Variants in FOXP1 observed in about 807,000 individuals in gnomAD.
The protein encoded by FOXP1 is forkhead box P1, also known as forkhead box protein P1.
FOXP1 carries 15 observed loss-of-function variants against 98.2 expected under a neutral mutation model. The ratio of observed to expected loss-of-function variants is 0.15; its 90% CI spans 0.10 to 0.24. FOXP1 has a LOEUF of 0.24. Among genes scored for constraint, FOXP1 ranks in the 10% least tolerant of loss-of-function variants. The pLI is 1.00. For missense variants in FOXP1, 633 were observed against 848.5 expected (o/e 0.75, Z 3.15); for synonymous variants, 371 against 314.5 (o/e 1.18, Z -1.90).
intron 5 of FOXP1, among the ~76,000 whole-genome samples, chr3:71,206,751 C>T (rs2064067240): frequency 6.6e-6 from 1 of 152,186 alleles, no homozygotes; most frequent in Admixed American, 6.5e-5. Flanking sequence ...CCAATGAGCA[C>T]AGATAACAAG....
intron 14 of FOXP1, among the ~76,000 whole-genome samples, chr3:70,983,478 A>T (rs1400305741): frequency 1.3e-5 from 2 of 152,002 alleles, no homozygotes; most frequent in African/African-American, 4.8e-5. Flanking sequence ...GGAGCTAAAA[A>T]CTCTTTCAAA....
chr3:71,293,045 CT>C (rs1226034965), intron 5 of FOXP1, among the ~76,000 whole-genome samples: 4 of 152,102 alleles, frequency 2.6e-5, no homozygotes, highest in Admixed American at 1.3e-4. Context: ...CTTTGAGGTC[CT>C]TGGTGTTACT....
chr3:71,330,979 T>C (rs2107720004), intron 4 of FOXP1, among the ~76,000 whole-genome samples: 1 of 152,330 alleles, frequency 6.6e-6, no homozygotes, highest in East Asian at 1.9e-4. Context: ...CTGGCAGCCC[T>C]CGCAGCCCTC....
In FOXP1 at chr3:71,180,292, C is replaced by G. The variant is rs1166190167; in HGVS notation, c.180+17910G>C. On this transcript the variant is annotated intron_variant, in intron 6 of 20. Coordinates refer to ENST00000649528, the MANE Select transcript of FOXP1 (RefSeq NM_001349338.3). ...GACTAGAACCTAAAAAAGAGACTCACCAGGTAACAGCCTAGGAAGCTACTG... is the reference window on the plus strand; with the variant it reads ...GACTAGAACCTAAAAAAGAGACTCAGCAGGTAACAGCCTAGGAAGCTACTG... Among the ~76,000 whole-genome samples, 3 of 150,672 alleles carry G rather than the reference C, an allele frequency of 2.0e-5. No individual in the cohort carries two copies. The East Asian group carries it at 5.8e-4, about 29-fold the overall frequency.
intron 20 of FOXP1, among the ~76,000 whole-genome samples, chr3:70,962,118 A>G (rs1394001299): frequency 6.6e-6 from 1 of 152,200 alleles, no homozygotes. Context: ...ATTTGAGGTC[A>G]TATTTTTAAA....
chr3:71,262,264 CAAAAAAAAAAAAAAAAAA>C lies in FOXP1; in HGVS notation c.-12+37538_-12+37555del, dbSNP rs71104433. On this transcript the variant is annotated intron_variant, in intron 5 of 20. Coordinates refer to ENST00000649528, the MANE Select transcript of FOXP1 (RefSeq NM_001349338.3). ...CTGGCAACAGGACAAGACTCTGTCA[CAAAAAAAAAAAAAAAAAA>C]AAAAAAAAAAAAAAAAAAAATTGTC... Among the ~76,000 whole-genome samples the C allele has an allele frequency of 1.4e-3, 35 of 25,712 alleles. No individual in the cohort carries two copies. The South Asian group carries it at 0.044, about 33-fold the overall frequency. The allele number at this position is 25,712 out of a possible 152,430, so 16.9% of individuals were successfully genotyped here. A position where few individuals can be genotyped will look rare whatever the true frequency, so the allele number is the denominator to read the frequency against.
intron 12 of FOXP1, among the ~76,000 whole-genome samples, chr3:71,002,815 T>G (rs968239152): frequency 1.3e-5 from 2 of 152,120 alleles, no homozygotes; most frequent in African/African-American, 4.8e-5. Context: ...ACGTGGGTAA[T>G]CAGTGCCCCA....
intron 7 of FOXP1, among the ~76,000 whole-genome samples, chr3:71,056,844 T>G (rs889397233): frequency 1.3e-5 from 2 of 152,236 alleles, no homozygotes; most frequent in African/African-American, 4.8e-5. Context: ...TCTGAGCAGT[T>G]TTTAAGGCTT....
At chr3:71,307,997 C>A (rs908086682) in intron 4 of FOXP1, among the ~76,000 whole-genome samples, 4 of 152,154 alleles carry the variant, frequency 2.6e-5, no homozygotes, top group Admixed American at 6.5e-5. Flanking sequence ...GAAAGAGCGC[C>A]GGATTCGGGA....
At chr3:71,353,817 C>T (rs968448470) in intron 4 of FOXP1, among the ~76,000 whole-genome samples, 4 of 152,120 alleles carry the variant, frequency 2.6e-5, no homozygotes, top group African/African-American at 9.7e-5. Flanking sequence ...CAACAAATGT[C>T]AACCACTGAC....
intron 19 of FOXP1, chr3:70,970,492 CTGA>C (rs2035979454): frequency 2.0e-6 from 1 of 511,642 alleles, no homozygotes; most frequent in South Asian, 2.1e-5. Flanking sequence ...TATGATACTG[CTGA>C]TAAATATTAA....
intron 3 of FOXP1, among the ~76,000 whole-genome samples, chr3:71,387,891 C>G (rs1317527871): frequency 6.6e-6 from 1 of 152,314 alleles, no homozygotes; most frequent in East Asian, 1.9e-4. Flanking sequence ...AAACAAGAAA[C>G]TGACTTGGTT....
intron 11 of FOXP1, among the ~76,000 whole-genome samples, chr3:71,040,717 A>G (rs2048227629): frequency 6.6e-6 from 1 of 152,142 alleles, no homozygotes; most frequent in Non-Finnish European, 1.5e-5. Flanking sequence ...TCCCACAATG[A>G]AGAGAAAGTG....
At chr3:71,554,546 A>G (rs188360010) in intron 2 of FOXP1, among the ~76,000 whole-genome samples, 1 of 152,308 alleles carries the variant, frequency 6.6e-6, no homozygotes, top group African/African-American at 2.4e-5. Context: ...GATGGAAAAA[A>G]TCAAACTATT....
chr3:71,136,261 A>G (rs545798578), intron 6 of FOXP1, among the ~76,000 whole-genome samples: 1 of 152,368 alleles, frequency 6.6e-6, no homozygotes, highest in South Asian at 2.1e-4. Flanking sequence ...TGTTTTCCAC[A>G]AATGTATTTT....
At chr3:71,527,052 G>T (rs866026602) in intron 2 of FOXP1, among the ~76,000 whole-genome samples, 1 of 151,486 alleles carries the variant, frequency 6.6e-6, no homozygotes, top group Non-Finnish European at 1.5e-5. Flanking sequence ...GTATATGCAA[G>T]ACAAAATTGT....
At chr3:71,022,160 A>C (rs754903231) in intron 11 of FOXP1, among the ~76,000 whole-genome samples, 1 of 151,782 alleles carries the variant, frequency 6.6e-6, no homozygotes, top group African/African-American at 2.4e-5. Flanking sequence ...GTCCAAGTTC[A>C]TTTTTTTTAA....
At chr3:71,372,453 T>C (rs1018430787) in intron 3 of FOXP1, among the ~76,000 whole-genome samples, 4 of 152,166 alleles carry the variant, frequency 2.6e-5, no homozygotes, top group African/African-American at 9.7e-5. Context: ...AGATATCTTG[T>C]TCCTTCGTTT....
At position 71,509,774 on chromosome 3, in the gene FOXP1, A is replaced by G. The variant is rs548622969; in HGVS notation, c.-297-16219T>C. Among the ~76,000 whole-genome samples the G allele has an allele frequency of 3.3e-5, 5 of 152,272 alleles. No individual in the cohort carries two copies. The South Asian group carries it at 8.3e-4, about 25-fold the overall frequency. ...ACATGCACCTGATTCTTAGCTACTC[A>G]GGAGGTTGAGGCAAGAAGATCACTT... On this transcript the variant is annotated intron_variant, in intron 2 of 20. Transcript: ENST00000649528.
Sources: allele counts gnomAD v4.1 joint callset (sites outside exome capture counted in the v4.1 genomes callset), GRCh38; gene constraint gnomAD v4.1.1; transcripts MANE v1.5; gene names NCBI Gene and HGNC (gene_info 2026-07-23, HGNC 2026-07-21).